CIROZ: variants seen among roughly 807,000 people sequenced by gnomAD.
CIROZ encodes ciliated left-right organizer ZP-N domains-containing protein.
the CIROZ span, chr1:10,957,564 T>C: frequency 1.9e-6 from 3 of 1,604,328 alleles, no homozygotes; most frequent in Non-Finnish European, 2.6e-6. Flanking sequence ...TTCTAGGTGC[T>C]ATGCCCCAGA....
At chr1:10,956,907 A>C in the CIROZ span, 1 of 870,400 alleles carries the variant, frequency 1.1e-6, no homozygotes, top group South Asian at 1.8e-5. Context: ...GTTGGGACTG[A>C]GGAGAGGAGA....
At chr1:10,948,711 T>C in the CIROZ span, 1 of 1,571,330 alleles carries the variant, frequency 6.4e-7, no homozygotes, top group Non-Finnish European at 8.6e-7. Context: ...AGGTGTGGGG[T>C]GTCCAGGGAT....
At chr1:10,962,179 C>G in the CIROZ span, among the ~76,000 whole-genome samples, 1 of 152,098 alleles carries the variant, frequency 6.6e-6, no homozygotes, top group Non-Finnish European at 1.5e-5. Flanking sequence ...GGCGTGGTGG[C>G]TCACACCTGT....
the CIROZ span, chr1:10,955,206 G>A: frequency 1.3e-6 from 2 of 1,581,368 alleles, no homozygotes; most frequent in African/African-American, 1.3e-5. Context: ...GAAGGACACA[G>A]GACACAGAAA....
the CIROZ span, among the ~76,000 whole-genome samples, chr1:10,972,769 C>T: frequency 6.6e-6 from 1 of 152,032 alleles, no homozygotes; most frequent in East Asian, 1.9e-4. Flanking sequence ...AAATTCTAAG[C>T]CCTTGGAATG....
chr1:10,963,576 G>A, the CIROZ span, among the ~76,000 whole-genome samples: 2 of 151,766 alleles, frequency 1.3e-5, no homozygotes, highest in Non-Finnish European at 1.5e-5. Flanking sequence ...GAGGTGCCCC[G>A]CTGATGAGAG....
the CIROZ span, among the ~76,000 whole-genome samples, chr1:10,955,911 A>G: frequency 6.6e-6 from 1 of 152,078 alleles, no homozygotes; most frequent in African/African-American, 2.4e-5. Context: ...CAAGAATTTC[A>G]CTGTGTCAGG....
the CIROZ span, among the ~76,000 whole-genome samples, chr1:10,962,777 T>C: frequency 0.014 from 2,127 of 152,298 alleles, 47 homozygotes; most frequent in African/African-American, 0.047. Flanking sequence ...GATGAGTTAA[T>C]ATTTGCAAAG....
At chr1:10,969,952 C>A in the CIROZ span, 1 of 1,519,898 alleles carries the variant, frequency 6.6e-7, no homozygotes, top group Non-Finnish European at 8.8e-7. Context: ...CCCCGCCCAG[C>A]CACCGACCAC....
the CIROZ span, chr1:10,949,396 G>A: frequency 4.5e-5 from 26 of 581,126 alleles, no homozygotes; most frequent in Admixed American, 6.1e-5. Flanking sequence ...GATCCAGGCC[G>A]ACAGATGAGG....
At chr1:10,969,059 T>C in the CIROZ span, among the ~76,000 whole-genome samples, 1 of 152,140 alleles carries the variant, frequency 6.6e-6, no homozygotes, top group Non-Finnish European at 1.5e-5. Context: ...GGCTGGCCAA[T>C]GGGTGGTTGG....
At chr1:10,947,620 C>T in the CIROZ span, 1 of 1,387,110 alleles carries the variant, frequency 7.2e-7, no homozygotes, top group Non-Finnish European at 9.5e-7. Context: ...ACTCTACCTC[C>T]CCAGGGTGCA....
chr1:10,949,902 T>C, the CIROZ span: 3 of 1,225,686 alleles, frequency 2.4e-6, no homozygotes, highest in South Asian at 4.8e-5. Context: ...AGTGACCCCT[T>C]TTCCACAGGT....
the CIROZ span, among the ~76,000 whole-genome samples, chr1:10,956,397 C>T: frequency 1.3e-5 from 2 of 152,122 alleles, no homozygotes; most frequent in East Asian, 3.8e-4. Context: ...CGTCTCTGTT[C>T]TCAGAGCCTC....
At chr1:10,969,007 G>A in the CIROZ span, among the ~76,000 whole-genome samples, 1 of 152,158 alleles carries the variant, frequency 6.6e-6, no homozygotes. Flanking sequence ...TGGAAAAGTG[G>A]CCTTTTAATA....
chr1:10,968,761 G>A, the CIROZ span, among the ~76,000 whole-genome samples: 4 of 152,158 alleles, frequency 2.6e-5, no homozygotes, highest in Admixed American at 2.0e-4. Flanking sequence ...CTCTGACAGC[G>A]CCTAAAACTA....
At chr1:10,977,896 G>T in the CIROZ span, among the ~76,000 whole-genome samples, 2 of 152,050 alleles carry the variant, frequency 1.3e-5, no homozygotes, top group Non-Finnish European at 2.9e-5. Context: ...TTTGCCAGGC[G>T]CTGTGGTTCA....
the CIROZ span, among the ~76,000 whole-genome samples, chr1:10,978,427 C>T: frequency 1.3e-5 from 2 of 151,348 alleles, no homozygotes; most frequent in Non-Finnish European, 2.9e-5. Flanking sequence ...CACGGAGTCC[C>T]GCTGGGCATG....
the CIROZ span, chr1:10,949,134 G>A: frequency 1.0e-5 from 3 of 286,676 alleles, no homozygotes; most frequent in East Asian, 1.9e-4. Flanking sequence ...TGAGGCAGAA[G>A]GATCGCCTGA....
Sources: gnomAD v4.1 joint callset for allele counts (sites outside exome capture counted in the v4.1 genomes callset) on GRCh38, gnomAD v4.1.1 for gene constraint, MANE v1.5 for transcripts, NCBI Gene and HGNC (gene_info 2026-07-23, HGNC 2026-07-21) for gene names.